The following SEPTIN7 variants were observed in gnomAD, a reference collection of about 807,000 sequenced individuals.
SEPTIN7 encodes septin 7.
A neutral mutation model predicts 63.3 loss-of-function variants in SEPTIN7; 10 were observed. The ratio of observed to expected loss-of-function variants is 0.16; its 90% CI spans 0.10 to 0.27. SEPTIN7 has a LOEUF of 0.27. SEPTIN7 is among the 10% of genes least tolerant of loss of function. The pLI is 1.00. For synonymous variants in SEPTIN7, 131 were observed against 165.3 expected, an observed-to-expected ratio of 0.79 and a Z score of 1.59; for missense variants, 310 against 521.0, an observed-to-expected ratio of 0.59 and a Z score of 3.94.
chr7:35,814,915 C>T (rs201320677), intron 1 of SEPTIN7, among the ~76,000 whole-genome samples: 39 of 124,508 alleles, frequency 3.1e-4, no homozygotes, highest in Non-Finnish European at 5.0e-4. Flanking sequence ...GCAGGGCTTG[C>T]GGTGAGCCGA....
Position 35,903,143 on chromosome 7 carries a change from G to A in SEPTIN7, c.1202G>A (p.Arg401His), listed in dbSNP as rs772920680. 25 of 1,599,106 alleles carry A rather than the reference G, an allele frequency of 1.6e-5. No homozygotes were observed. Among genetic ancestry groups the A allele is most frequent in the African/African-American group, 1.1e-4 (8 of 74,732 alleles). Reference sequence around the variant, plus strand: ...CAGCACAAAGAATTGGAGGAAAAACGTCGTCAGTTCGAGGATGAGAAAGCA... The same window carrying A: ...CAGCACAAAGAATTGGAGGAAAAACATCGTCAGTTCGAGGATGAGAAAGCA... ...EAQHKELEEK[R>H]RQFEDEKANW... The change falls in exon 13 of 14, where the codon CGT (arginine) becomes CAT (histidine). Residue 401 changes from arginine to histidine, a missense_variant. Arg to His is a conservative substitution (Grantham distance 29). Around this residue, in one of 2 missense-constraint regions of SEPTIN7, gnomAD observed 255 missense variants for 490.5 expected, o/e 0.52. Coordinates refer to ENST00000350320, the MANE Select transcript of SEPTIN7 (RefSeq NM_001788.6).
intron 3 of SEPTIN7, among the ~76,000 whole-genome samples, chr7:35,850,816 C>T (rs575483637): frequency 8.5e-5 from 13 of 152,230 alleles, no homozygotes; most frequent in African/African-American, 2.6e-4. Flanking sequence ...TTGCATTCCT[C>T]GTTCATTTAT....
chr7:35,883,993 A>G lies in SEPTIN7; in HGVS notation c.820+6A>G, dbSNP rs758287902. On this transcript the variant is annotated splice_donor_region_variant and intron_variant, in intron 9 of 13. Transcript: ENST00000350320. Reference sequence around the variant, plus strand: ...TCCTTGGGGTGTTGCTGAAGGTAAGATTTTCTTCAGTGAATGACTTTCTAA... The same window carrying G: ...TCCTTGGGGTGTTGCTGAAGGTAAGGTTTTCTTCAGTGAATGACTTTCTAA... 10 of 1,569,984 alleles carry G rather than the reference A, an allele frequency of 6.4e-6. No homozygotes were observed. In the South Asian group the frequency reaches 1.0e-4, roughly 16 times the overall value.
At chr7:35,820,580 T>A (rs1395377324) in intron 1 of SEPTIN7, among the ~76,000 whole-genome samples, 2 of 152,194 alleles carry the variant, frequency 1.3e-5, no homozygotes, top group African/African-American at 4.8e-5. Flanking sequence ...TAAAAAATTA[T>A]CTTTTTTGAT....
At chr7:35,836,765 A>G (rs1784103027) in intron 3 of SEPTIN7, among the ~76,000 whole-genome samples, 1 of 152,178 alleles carries the variant, frequency 6.6e-6, no homozygotes, top group Non-Finnish European at 1.5e-5. Context: ...TCAGTTTATC[A>G]GGTTATTTGA....
intron 6 of SEPTIN7, among the ~76,000 whole-genome samples, chr7:35,876,267 T>G (rs1017911456): frequency 6.8e-6 from 1 of 146,934 alleles, no homozygotes; most frequent in Non-Finnish European, 1.5e-5. Context: ...TATAAAATCT[T>G]GTTATTTGGA....
intron 6 of SEPTIN7, among the ~76,000 whole-genome samples, chr7:35,878,227 A>G (rs1472557752): frequency 2.0e-5 from 3 of 152,030 alleles, no homozygotes; most frequent in African/African-American, 7.3e-5. Flanking sequence ...TGGAAATTGG[A>G]TCATAAGCCA....
At chr7:35,857,105 G>C (rs1785252118) in intron 3 of SEPTIN7, among the ~76,000 whole-genome samples, 1 of 151,998 alleles carries the variant, frequency 6.6e-6, no homozygotes, top group Non-Finnish European at 1.5e-5. Context: ...AAATATTGGG[G>C]GGGCAAAATT....
downstream of SEPTIN7, among the ~76,000 whole-genome samples, chr7:35,911,547 G>C (rs969338990): frequency 1.3e-5 from 2 of 152,138 alleles, no homozygotes; most frequent in African/African-American, 4.8e-5. Flanking sequence ...CCCCTAAGGG[G>C]ATGTTTAGCT....
intron 11 of SEPTIN7, among the ~76,000 whole-genome samples, chr7:35,895,081 A>G (rs1295681496): frequency 2.0e-5 from 3 of 152,022 alleles, no homozygotes; most frequent in Non-Finnish European, 4.4e-5. Flanking sequence ...TTTTAATTTC[A>G]CTGATAGGTT....
intron 11 of SEPTIN7, among the ~76,000 whole-genome samples, chr7:35,894,112 AGAG>A (rs1414483006): frequency 7.4e-6 from 1 of 135,136 alleles, no homozygotes; most frequent in Non-Finnish European, 1.6e-5. Flanking sequence ...ATCCCCAATA[AGAG>A]GAGGGCCGTC....
intron 7 of SEPTIN7, among the ~76,000 whole-genome samples, chr7:35,880,223 C>CTTTTTTTTTTT: frequency 5.5e-5 from 4 of 72,780 alleles, no homozygotes; most frequent in Admixed American, 1.4e-4. Flanking sequence ...TTTTTCTTTT[C>CTTTTTTTTTTT]TTTTTTTTTT....
intron 11 of SEPTIN7, among the ~76,000 whole-genome samples, 191 bp downstream of exon 11, chr7:35,890,984 G>A (rs927229257): frequency 3.3e-5 from 5 of 152,254 alleles, no homozygotes; most frequent in African/African-American, 1.2e-4. Context: ...CATTTTGATA[G>A]TTTTCACTTA....
Position 35,905,946 on chromosome 7 carries a change from A to G in SEPTIN7, c.*1653A>G, listed in dbSNP as rs1304824355. On this transcript the variant is annotated 3_prime_UTR_variant, in exon 14 of 14. Transcript: ENST00000350320. ...TTATTATCTTGAAATGTTTTACCCT[A>G]TTTACTTTTTAAAATTAATGACCTA... 3.3e-5 allele frequency: 5 copies of G among 152,322 alleles called. No individual in the cohort carries two copies. Among genetic ancestry groups the G allele is most frequent in the South Asian group, 2.1e-4 (1 of 4,826 alleles). The allele number at this position is 152,322 out of a possible 1,614,324, so 9.4% of individuals were successfully genotyped here.
At chr7:35,827,636 G>T (rs1241006146) in intron 1 of SEPTIN7, among the ~76,000 whole-genome samples, 1 of 152,010 alleles carries the variant, frequency 6.6e-6, no homozygotes, top group Non-Finnish European at 1.5e-5. Flanking sequence ...GACTACAGGT[G>T]TGCGCCACTA....
chr7:35,813,540 A>AT (rs1284212341), intron 1 of SEPTIN7, among the ~76,000 whole-genome samples: 3 of 152,006 alleles, frequency 2.0e-5, no homozygotes, highest in African/African-American at 4.8e-5. Context: ...TGCCTGGCTA[A>AT]TTTTTTTGTA....
intron 3 of SEPTIN7, among the ~76,000 whole-genome samples, chr7:35,853,434 G>C (rs1259608445): frequency 6.6e-6 from 1 of 152,146 alleles, no homozygotes; most frequent in Non-Finnish European, 1.5e-5. Context: ...GGGGCTGGGC[G>C]GGGGAAGTGG....
intron 3 of SEPTIN7, among the ~76,000 whole-genome samples, chr7:35,856,132 T>C (rs2116093221): frequency 6.6e-6 from 1 of 152,328 alleles, no homozygotes; most frequent in Admixed American, 6.5e-5. Flanking sequence ...CCTAATTTAG[T>C]CCTCATAGTT....
intron 11 of SEPTIN7, among the ~76,000 whole-genome samples, chr7:35,894,648 AAAATTTTTAG>A (rs1311088368): frequency 1.3e-5 from 2 of 152,238 alleles, no homozygotes; most frequent in South Asian, 2.1e-4. Flanking sequence ...ATTATTACTC[AAAATTTTTAG>A]AAATTTTTAT....
Sources: allele counts gnomAD v4.1 joint callset (sites outside exome capture counted in the v4.1 genomes callset), GRCh38; gene constraint gnomAD v4.1.1; regional missense constraint gnomAD v4.1.1; transcripts MANE v1.5; gene names NCBI Gene and HGNC (gene_info 2026-07-23, HGNC 2026-07-21).